Variants in DCAF5 observed in about 807,000 individuals in gnomAD.
The protein encoded by DCAF5 is DDB1- and CUL4-associated factor 5.
In DCAF5, 9 loss-of-function variants were observed where a neutral mutation model predicts 80.7. That is an observed-to-expected ratio of 0.11 (90% CI 0.07 to 0.19). The LOEUF (loss-of-function observed/expected upper bound fraction) is 0.19. Among genes scored for constraint, DCAF5 ranks in the 10% least tolerant of loss-of-function variants. The pLI is 1.00. For missense variants in DCAF5, 842 were observed against 1,205.7 expected (o/e 0.70, Z 4.47); for synonymous variants, 433 against 461.9 (o/e 0.94, Z 0.80).
chr14:69,105,048 T>C (rs11158788), intron 5 of DCAF5, among the ~76,000 whole-genome samples: 1 of 151,622 alleles, frequency 6.6e-6, no homozygotes, highest in Non-Finnish European at 1.5e-5. Flanking sequence ...GTTTTTTTTT[T>C]AATTATCTTT....
At chr14:69,111,481 A>G (rs2140039664) in intron 5 of DCAF5, among the ~76,000 whole-genome samples, 1 of 152,332 alleles carries the variant, frequency 6.6e-6, no homozygotes, top group Non-Finnish European at 1.5e-5. Flanking sequence ...TTGTCAAAGC[A>G]AGACACTGTT....
intron 7 of DCAF5, among the ~76,000 whole-genome samples, chr14:69,068,695 T>A (rs2038563857): frequency 8.0e-6 from 1 of 124,904 alleles, no homozygotes; most frequent in Non-Finnish European, 1.6e-5. Flanking sequence ...TGAAACTCCA[T>A]CTCAAAAAAA....
At chr14:69,083,302 CAA>C (rs1161367428) in intron 6 of DCAF5, 1 of 155,308 alleles carries the variant, frequency 6.4e-6, no homozygotes, top group South Asian at 2.0e-4. Context: ...GTCCAGGATT[CAA>C]AAAGAGTTAT....
At chr14:69,110,876 CAAAAAAA>C (rs35812611) in intron 5 of DCAF5, among the ~76,000 whole-genome samples, 3 of 45,528 alleles carry the variant, frequency 6.6e-5, no homozygotes, top group South Asian at 1.0e-3. Flanking sequence ...GACCCTGTCT[CAAAAAAA>C]AAAAAAAAAA....
chr14:69,144,315 G>A (rs1011965726), intron 1 of DCAF5, among the ~76,000 whole-genome samples: 3 of 151,998 alleles, frequency 2.0e-5, no homozygotes, highest in African/African-American at 7.3e-5. Flanking sequence ...GCTCACGCCT[G>A]TAATCACAGC....
intron 5 of DCAF5, among the ~76,000 whole-genome samples, chr14:69,100,038 T>C (rs1181863684): frequency 1.3e-5 from 2 of 152,212 alleles, no homozygotes; most frequent in Admixed American, 1.3e-4. Flanking sequence ...ATCTACCATG[T>C]TTCAGAAAGT....
chr14:69,056,950 C>G (rs923232689), intron 8 of DCAF5, among the ~76,000 whole-genome samples: 1 of 152,210 alleles, frequency 6.6e-6, no homozygotes, highest in Non-Finnish European at 1.5e-5. Context: ...CAGATGTTCT[C>G]TCCTCTCCAG....
chr14:69,084,536 G>T, intron 6 of DCAF5: 1 of 756,202 alleles, frequency 1.3e-6, no homozygotes, highest in Non-Finnish European at 2.3e-6. Context: ...ATTGTATGTT[G>T]GTGTTGATGA....
chr14:69,112,182 C>G (rs1195979209), intron 5 of DCAF5, among the ~76,000 whole-genome samples: 2 of 152,124 alleles, frequency 1.3e-5, no homozygotes, highest in East Asian at 3.8e-4. Context: ...AGTTTACAAC[C>G]TCTGTTCTAA....
chr14:69,051,494 A>C lies in DCAF5; in HGVS notation c.*2363T>G, dbSNP rs2037758949. 6.6e-6 allele frequency: 1 copy of C among 152,218 alleles called. No homozygotes were observed. Among genetic ancestry groups the C allele is most frequent in the Non-Finnish European group, 1.5e-5 (1 of 68,034 alleles). 9.4% of individuals were successfully genotyped at this position (152,218 alleles called of 1,614,324 possible). A position where few individuals can be genotyped will look rare whatever the true frequency, so the allele number is the denominator to read the frequency against. On this transcript the variant is annotated 3_prime_UTR_variant, in exon 9 of 9. Coordinates refer to ENST00000341516, the MANE Select transcript of DCAF5 (RefSeq NM_003861.3). ...GTCTTATGGGGCCTATCACCCGGTA[A>C]GCTGAGCCTAGGATGCTGGGAAGCC...
At position 69,051,599 on chromosome 14, in the gene DCAF5, T is replaced by C. The variant is rs1242346175; in HGVS notation, c.*2258A>G. Reference sequence around the variant, plus strand: ...GTTAACCAGAATAAACTCTGATTTCTCTTTTGAGTACCCAAATGAGATTAA... The same window carrying C: ...GTTAACCAGAATAAACTCTGATTTCCCTTTTGAGTACCCAAATGAGATTAA... On this transcript the variant is annotated 3_prime_UTR_variant, in exon 9 of 9. Coordinates refer to ENST00000341516, the MANE Select transcript of DCAF5 (RefSeq NM_003861.3). 1 of 152,220 alleles carries C rather than the reference T, an allele frequency of 6.6e-6. No homozygotes were observed. Among genetic ancestry groups the C allele is most frequent in the African/African-American group, 2.4e-5 (1 of 41,464 alleles). The allele number at this position is 152,220 out of a possible 1,614,324, so 9.4% of individuals were successfully genotyped here. A position where few individuals can be genotyped will look rare whatever the true frequency, so the allele number is the denominator to read the frequency against.
intron 6 of DCAF5, chr14:69,084,959 G>T (rs2039260949): frequency 7.0e-7 from 1 of 1,419,292 alleles, no homozygotes; most frequent in South Asian, 1.1e-5. Context: ...GGCATGCCTT[G>T]CTCATTTTGC....
intron 4 of DCAF5, among the ~76,000 whole-genome samples, chr14:69,117,488 C>T (rs527445061): frequency 5.3e-5 from 8 of 152,208 alleles, no homozygotes; most frequent in Non-Finnish European, 1.0e-4. Flanking sequence ...GCACTAAAGG[C>T]CACGGTGGGT....
At chr14:69,153,169 T>A (rs2041761600), upstream of DCAF5, 1 of 424,752 alleles carries the variant, frequency 2.4e-6, no homozygotes, top group Non-Finnish European at 4.1e-6. Flanking sequence ...CTCCCTCTCC[T>A]TCCCCCCGAG....
intron 6 of DCAF5, among the ~76,000 whole-genome samples, chr14:69,080,356 T>C (rs543206392): frequency 6.6e-6 from 1 of 151,936 alleles, no homozygotes; most frequent in African/African-American, 2.4e-5. Flanking sequence ...ATATTTGCTG[T>C]GGGATACAAG....
chr14:69,062,537 T>A lies in DCAF5; in HGVS notation c.947-26A>T, dbSNP rs1247232672. On this transcript the variant is annotated intron_variant, in intron 7 of 8. Coordinates refer to ENST00000341516, the MANE Select transcript of DCAF5 (RefSeq NM_003861.3). ...CTGGGAAAACAGAAGGAAACAAAAATCAGATGATGAAATGAATGAAAGTAA... is the reference window on the plus strand; with the variant it reads ...CTGGGAAAACAGAAGGAAACAAAAAACAGATGATGAAATGAATGAAAGTAA... 3.1e-6 allele frequency: 5 copies of A among 1,608,522 alleles called. 1 individual carries two copies. The East Asian group carries it at 8.9e-5, about 29-fold the overall frequency.
At chr14:69,149,825 T>C (rs1473383577) in intron 1 of DCAF5, among the ~76,000 whole-genome samples, 2 of 152,190 alleles carry the variant, frequency 1.3e-5, no homozygotes, top group Non-Finnish European at 2.9e-5. Flanking sequence ...ATACATAGCA[T>C]TAGCCTCAGA....
At chr14:69,067,761 C>T (rs557224673) in intron 7 of DCAF5, among the ~76,000 whole-genome samples, 4 of 151,844 alleles carry the variant, frequency 2.6e-5, no homozygotes, top group African/African-American at 7.2e-5. Context: ...CTCAGCCTCC[C>T]GAGTAGCTGG....
chr14:69,083,981 C>T (rs566094984), intron 6 of DCAF5: 15 of 781,472 alleles, frequency 1.9e-5, no homozygotes, highest in African/African-American at 1.0e-4. Flanking sequence ...GTTTTACAAA[C>T]GTGACTGAAA....
Sources: allele counts gnomAD v4.1 joint callset (sites outside exome capture counted in the v4.1 genomes callset), GRCh38; gene constraint gnomAD v4.1.1; transcripts MANE v1.5; gene names NCBI Gene and HGNC (gene_info 2026-07-23, HGNC 2026-07-21).